Variants in MALRD1 observed in about 807,000 individuals in gnomAD.
The protein encoded by MALRD1 is MAM and LDL-receptor class A domain-containing protein 1.
A neutral mutation model predicts 242.1 loss-of-function variants in MALRD1; 247 were observed. The ratio of observed to expected loss-of-function variants is 1.02; its 90% CI spans 0.92 to 1.13. The LOEUF is 1.13. MALRD1 is among the 50% of genes most tolerant of loss of function. The pLI, the probability that MALRD1 is intolerant of heterozygous loss-of-function variation, is 0.00. For missense variants in MALRD1, 2,989 were observed against 2,533.1 expected (o/e 1.18, Z -3.86); for synonymous variants, 995 against 866.6 (o/e 1.15, Z -2.60).
intron 26 of MALRD1, among the ~76,000 whole-genome samples, chr10:19,381,673 CAA>C (rs542568281): frequency 5.6e-4 from 66 of 118,522 alleles, no homozygotes; most frequent in African/African-American, 8.7e-4. Context: ...ACTAAAAATA[CAA>C]AAAAAAAAAA....
chr10:19,469,052 G>C (rs2131130179), intron 29 of MALRD1, among the ~76,000 whole-genome samples: 1 of 152,100 alleles, frequency 6.6e-6, no homozygotes, highest in Non-Finnish European at 1.5e-5. Context: ...ATTTCTGCCT[G>C]GGCCCCACAG....
At chr10:19,114,566 G>C (rs1298656230) in intron 5 of MALRD1, among the ~76,000 whole-genome samples, 1 of 152,086 alleles carries the variant, frequency 6.6e-6, no homozygotes. Context: ...GTTGCAGTGA[G>C]CTGAGACGGC....
In MALRD1 at chr10:19,517,960, T is replaced by C. The variant is rs369153011; in HGVS notation, c.5321-13234T>C. Reference sequence around the variant, plus strand: ...AGTTTATTTTTGCAGATATGACTTATAAATCAGGTAGCACTCAGAACCAGA... The same window carrying C: ...AGTTTATTTTTGCAGATATGACTTACAAATCAGGTAGCACTCAGAACCAGA... On this transcript the variant is annotated intron_variant, in intron 31 of 39. Transcript: ENST00000454679. 2.1e-3 allele frequency among the ~76,000 whole-genome samples: 321 copies of C among 152,352 alleles called. 1 individual carries two copies. Among genetic ancestry groups the C allele is most frequent in the Middle Eastern group, 6.8e-3 (2 of 294 alleles).
At chr10:19,382,527 T>C (rs538703422) in intron 26 of MALRD1, among the ~76,000 whole-genome samples, 2 of 151,962 alleles carry the variant, frequency 1.3e-5, no homozygotes, top group African/African-American at 2.4e-5. Context: ...TTTTAGTAAC[T>C]CTGTGATTTT....
At position 19,449,659 on chromosome 10, in the gene MALRD1, G is replaced by C. The variant is rs570177092; in HGVS notation, c.4846-648G>C. Among the ~76,000 whole-genome samples the C allele has an allele frequency of 7.2e-5, 11 of 152,120 alleles. No homozygotes were observed. The East Asian group carries it at 2.1e-3, about 29-fold the overall frequency. On this transcript the variant is annotated intron_variant, in intron 28 of 39. Coordinates refer to ENST00000454679, the MANE Select transcript of MALRD1 (RefSeq NM_001142308.3). ...TTTGGGGCATATATACAGACCCGGTGGTCTTCAGTATATCTGAAGAACAAA... is the reference window on the plus strand; with the variant it reads ...TTTGGGGCATATATACAGACCCGGTCGTCTTCAGTATATCTGAAGAACAAA...
At chr10:19,308,210 C>T (rs1305695277) in intron 21 of MALRD1, among the ~76,000 whole-genome samples, 1 of 151,350 alleles carries the variant, frequency 6.6e-6, no homozygotes, top group East Asian at 2.0e-4. Context: ...CTGGTAACAC[C>T]ATCCTTCTAT....
intron 5 of MALRD1, among the ~76,000 whole-genome samples, chr10:19,104,854 C>A (rs75759497): frequency 4.8e-4 from 73 of 152,052 alleles, no homozygotes; most frequent in African/African-American, 1.7e-3. Context: ...ACCATAGGAT[C>A]TTGATATTGT....
In MALRD1 at chr10:19,595,229, G is replaced by T. The variant is rs1447878385; in HGVS notation, c.5716G>T (p.Asp1906Tyr). 1 of 1,550,312 alleles carries T rather than the reference G, an allele frequency of 6.5e-7. No individual in the cohort carries two copies. The change falls in exon 34 of 40, where the codon GAT becomes TAT. Residue 1906 changes from aspartate to tyrosine, a missense_variant. By Grantham distance (160) the Asp-to-Tyr change is radical (BLOSUM62 -3). Coordinates refer to ENST00000454679, the MANE Select transcript of MALRD1 (RefSeq NM_001142308.3). ...AGTGCAGCCATCACCCTGTGAAGCT[G>T]ATCAGTTTTCTTGTATCTACACACT... ...VPVQPSPCEA[D>Y]QFSCIYTLQC...
chr10:19,573,421 G>A (rs1016378256), intron 33 of MALRD1, among the ~76,000 whole-genome samples: 1 of 152,174 alleles, frequency 6.6e-6, no homozygotes, highest in African/African-American at 2.4e-5. Flanking sequence ...AGAAGAGACA[G>A]CAAGGAAGTG....
chr10:19,389,538 G>A lies in MALRD1; in HGVS notation c.4774G>A (p.Ala1592Thr), dbSNP rs1345054247. 6.4e-6 allele frequency: 10 copies of A among 1,550,580 alleles called. No homozygotes were observed. The highest frequency in any genetic ancestry group is 4.8e-5 in the South Asian group (4 of 84,066). ...FRSTMWRESS[A>T]ACTMSFWYFV... is the part of the protein sequence containing the mutation. ...GAGTACCATGTGGCGAGAATCCAGTGCAGCCTGCACCATGAGCTTCTGGTA... is the reference window on the plus strand; with the variant it reads ...GAGTACCATGTGGCGAGAATCCAGTACAGCCTGCACCATGAGCTTCTGGTA... Residue 1592 changes from alanine (A) to threonine (T), a missense_variant, in exon 28 of 40, where the codon GCA becomes ACA. Coordinates refer to ENST00000454679, the MANE Select transcript of MALRD1 (RefSeq NM_001142308.3).
chr10:19,671,295 A>G (rs534563882), intron 36 of MALRD1, among the ~76,000 whole-genome samples: 1 of 152,290 alleles, frequency 6.6e-6, no homozygotes, highest in East Asian at 1.9e-4. Context: ...TGTGTATGTT[A>G]CATATGTAAA....
chr10:19,095,930 G>A (rs1288023019), intron 4 of MALRD1, among the ~76,000 whole-genome samples: 8 of 152,082 alleles, frequency 5.3e-5, no homozygotes, highest in Admixed American at 4.6e-4. Flanking sequence ...ATCTCTCTCC[G>A]TTCTTGCAGA....
At chr10:19,729,473 C>T (rs922116903) in intron 38 of MALRD1, among the ~76,000 whole-genome samples, 1 of 151,886 alleles carries the variant, frequency 6.6e-6, no homozygotes, top group Admixed American at 6.6e-5. Flanking sequence ...GCTCTTAAAA[C>T]AATCATCCTG....
intron 30 of MALRD1, among the ~76,000 whole-genome samples, chr10:19,496,155 A>G (rs906808329): frequency 2.0e-5 from 3 of 152,208 alleles, no homozygotes; most frequent in African/African-American, 7.2e-5. Context: ...AGTATTAGAC[A>G]GATAATTGAG....
intron 18 of MALRD1, among the ~76,000 whole-genome samples, chr10:19,219,494 C>T (rs1328119776): frequency 1.3e-5 from 2 of 151,956 alleles, no homozygotes; most frequent in South Asian, 2.1e-4. Context: ...TGGAGTTCAG[C>T]GCCATGTTCA....
At chr10:19,525,537 G>A (rs1834065502) in intron 31 of MALRD1, among the ~76,000 whole-genome samples, 2 of 152,082 alleles carry the variant, frequency 1.3e-5, no homozygotes, top group Non-Finnish European at 2.9e-5. Flanking sequence ...TTTCAAAAAT[G>A]TGTGCAACTC....
intron 21 of MALRD1, among the ~76,000 whole-genome samples, chr10:19,313,809 T>C (rs532596867): frequency 6.6e-6 from 1 of 151,504 alleles, no homozygotes; most frequent in Non-Finnish European, 1.5e-5. Flanking sequence ...TGTCATACAA[T>C]ATTGAAACAG....
At chr10:19,688,058 C>CT (rs927694280) in intron 36 of MALRD1, among the ~76,000 whole-genome samples, 5 of 152,098 alleles carry the variant, frequency 3.3e-5, no homozygotes, top group African/African-American at 1.2e-4. Context: ...CAAACTCCGC[C>CT]TCCCAGGTTC....
chr10:19,634,244 G>A (rs1840032161), intron 36 of MALRD1, among the ~76,000 whole-genome samples: 1 of 152,124 alleles, frequency 6.6e-6, no homozygotes, highest in South Asian at 2.1e-4. Context: ...AGACTCCAAT[G>A]CCAGATGAGC....
Sources: gnomAD v4.1 joint callset for allele counts (sites outside exome capture counted in the v4.1 genomes callset) on GRCh38, gnomAD v4.1.1 for gene constraint, MANE v1.5 for transcripts, NCBI Gene and HGNC (gene_info 2026-07-23, HGNC 2026-07-21) for gene names.